MECOM: variants seen among roughly 807,000 people sequenced by gnomAD.
The protein encoded by MECOM is MDS1 and EVI1 complex locus.
Under a neutral mutation model 116.3 loss-of-function variants are expected in MECOM, and 13 were observed. The observed-to-expected ratio is 0.11, with a 90% confidence interval of 0.07 to 0.18. MECOM has a LOEUF of 0.18. MECOM is among the 10% of genes least tolerant of loss of function. MECOM has a pLI of 1.00. For missense variants in MECOM, 1,299 were observed against 1,509.0 expected, an observed-to-expected ratio of 0.86 and a Z score of 2.31; for synonymous variants, 528 against 535.2, an observed-to-expected ratio of 0.99 and a Z score of 0.19.
chr3:169,167,130 G>GT (rs1158697021), intron 2 of MECOM, among the ~76,000 whole-genome samples: 1 of 152,082 alleles, frequency 6.6e-6, no homozygotes, highest in Non-Finnish European at 1.5e-5. Context: ...GCATGCTACC[G>GT]TGTCTGGCTA....
chr3:169,149,974 T>A (rs1740930849), intron 2 of MECOM, among the ~76,000 whole-genome samples: 2 of 143,308 alleles, frequency 1.4e-5, no homozygotes, highest in Admixed American at 1.4e-4. Context: ...TGTGTGTGTG[T>A]GTGTCTGTCT....
chr3:169,448,339 G>A (rs546175797), intron 1 of MECOM, among the ~76,000 whole-genome samples: 6 of 152,198 alleles, frequency 3.9e-5, no homozygotes, highest in Non-Finnish European at 7.4e-5. Flanking sequence ...TTTATAGGTC[G>A]CCCATCACAT....
chr3:169,461,532 C>A (rs894838674), intron 1 of MECOM, among the ~76,000 whole-genome samples: 2 of 152,016 alleles, frequency 1.3e-5, no homozygotes, highest in African/African-American at 4.8e-5. Flanking sequence ...GGTCATTTAG[C>A]CAATAAATAG....
chr3:169,245,480 T>C (rs2149565457), intron 2 of MECOM, among the ~76,000 whole-genome samples: 1 of 152,358 alleles, frequency 6.6e-6, no homozygotes, highest in East Asian at 1.9e-4. Context: ...ACTAGTGTGC[T>C]AGCAAAGTAC....
At chr3:169,490,122 A>G (rs1752899777) in intron 1 of MECOM, among the ~76,000 whole-genome samples, 2 of 152,252 alleles carry the variant, frequency 1.3e-5, no homozygotes, top group South Asian at 4.1e-4. Context: ...TAGTAAAGAG[A>G]GAAAGTCAAA....
chr3:169,313,280 A>G (rs1346135436), intron 2 of MECOM, among the ~76,000 whole-genome samples: 1 of 151,584 alleles, frequency 6.6e-6, no homozygotes, highest in African/African-American at 2.4e-5. Flanking sequence ...GAGGTTGGGA[A>G]AAAAAGAGAA....
intron 3 of MECOM, among the ~76,000 whole-genome samples, chr3:169,134,492 C>T (rs1199376245): frequency 6.6e-6 from 1 of 152,114 alleles, no homozygotes; most frequent in African/African-American, 2.4e-5. Flanking sequence ...TTATGGTGCT[C>T]ATGAAACTGA....
intron 3 of MECOM, among the ~76,000 whole-genome samples, chr3:169,135,486 A>G (rs1390033776): frequency 3.9e-5 from 6 of 152,114 alleles, no homozygotes; most frequent in Non-Finnish European, 7.4e-5. Flanking sequence ...AGACAAGAAG[A>G]ATGGGGCCTA....
chr3:169,107,155 G>C (rs73167905), intron 10 of MECOM, among the ~76,000 whole-genome samples: 1 of 152,082 alleles, frequency 6.6e-6, no homozygotes, highest in Non-Finnish European at 1.5e-5. Context: ...TCATTCATCA[G>C]AAATCAGCAT....
intron 2 of MECOM, among the ~76,000 whole-genome samples, chr3:169,275,460 G>A (rs997672528): frequency 1.3e-4 from 20 of 152,148 alleles, no homozygotes; most frequent in South Asian, 4.1e-4. Context: ...TGCCTAGGGC[G>A]TTTAAAGTAT....
chr3:169,215,963 G>T (rs1368520786), intron 2 of MECOM, among the ~76,000 whole-genome samples: 1 of 152,192 alleles, frequency 6.6e-6, no homozygotes, highest in Non-Finnish European at 1.5e-5. Context: ...CCTAATGCCA[G>T]GAATAGTTTG....
intron 1 of MECOM, among the ~76,000 whole-genome samples, chr3:169,572,626 T>C (rs191544754): frequency 6.6e-6 from 1 of 152,114 alleles, no homozygotes; most frequent in East Asian, 1.9e-4. Flanking sequence ...TTAAAGAAAA[T>C]GTGGCACATG....
At chr3:169,264,458 C>A (rs933078257) in intron 2 of MECOM, among the ~76,000 whole-genome samples, 1 of 152,032 alleles carries the variant, frequency 6.6e-6, no homozygotes, top group Non-Finnish European at 1.5e-5. Flanking sequence ...GTGGAAGTAG[C>A]AGTGTTATAA....
intron 2 of MECOM, among the ~76,000 whole-genome samples, chr3:169,308,482 C>G (rs1718117279): frequency 6.6e-6 from 1 of 152,100 alleles, no homozygotes; most frequent in African/African-American, 2.4e-5. Flanking sequence ...AAGGGCTGCT[C>G]TAGGCATAAT....
chr3:169,410,176 T>C (rs1737315557), intron 1 of MECOM, among the ~76,000 whole-genome samples: 1 of 152,184 alleles, frequency 6.6e-6, no homozygotes, highest in South Asian at 2.1e-4. Flanking sequence ...ACCCAGAGAA[T>C]GGCCATCAGA....
At chr3:169,596,545 A>G (rs1326775041) in intron 1 of MECOM, among the ~76,000 whole-genome samples, 1 of 152,218 alleles carries the variant, frequency 6.6e-6, no homozygotes, top group African/African-American at 2.4e-5. Flanking sequence ...TTTTGCGTAC[A>G]AGTGATTATA....
At chr3:169,413,860 T>C (rs1005591284) in intron 1 of MECOM, among the ~76,000 whole-genome samples, 2 of 152,170 alleles carry the variant, frequency 1.3e-5, no homozygotes, top group Admixed American at 1.3e-4. Context: ...GGGCAAGCCA[T>C]CTCTGAAAGA....
chr3:169,164,333 C>T (rs1743252226), intron 2 of MECOM, among the ~76,000 whole-genome samples: 1 of 152,168 alleles, frequency 6.6e-6, no homozygotes, highest in African/African-American at 2.4e-5. Context: ...GTGACTTGCT[C>T]CTCCTTGCCT....
chr3:169,455,951 G>T (rs560707533), intron 1 of MECOM, among the ~76,000 whole-genome samples: 2 of 152,136 alleles, frequency 1.3e-5, no homozygotes, highest in African/African-American at 2.4e-5. Context: ...CAGAGGCTGC[G>T]AACTAGGCAG....
Sources: gnomAD v4.1 joint callset for allele counts (sites outside exome capture counted in the v4.1 genomes callset) on GRCh38, gnomAD v4.1.1 for gene constraint, MANE v1.5 for transcripts, NCBI Gene and HGNC (gene_info 2026-07-23, HGNC 2026-07-21) for gene names.